The following HIVEP3 variants were observed in gnomAD, a reference collection of about 807,000 sequenced individuals.
HIVEP3 encodes the protein HIVEP zinc finger 3.
A neutral mutation model predicts 152.8 loss-of-function variants in HIVEP3; 49 were observed. That is an observed-to-expected ratio of 0.32 (90% CI 0.26 to 0.41). The LOEUF (loss-of-function observed/expected upper bound fraction) is 0.41, where lower values mean the gene tolerates loss of function less well. Among genes scored for constraint, HIVEP3 ranks in the 10% least tolerant of loss-of-function variants. The probability of loss-of-function intolerance (pLI) is 1.00; values close to 1 mark genes in which losing one functional copy is unlikely to be tolerated. For missense variants in HIVEP3, 2,790 were observed against 3,103.3 expected (o/e 0.90, Z 2.40); for synonymous variants, 1,269 against 1,289.0 (o/e 0.98, Z 0.33).
intron 3 of HIVEP3, among the ~76,000 whole-genome samples, chr1:41,595,608 T>C (rs1644654427): frequency 6.6e-6 from 1 of 152,160 alleles, no homozygotes. Context: ...TAATATCGAA[T>C]GTCAACTTGA....
At chr1:41,792,453 C>T (rs1425851962) in intron 1 of HIVEP3, among the ~76,000 whole-genome samples, 1 of 152,216 alleles carries the variant, frequency 6.6e-6, no homozygotes, top group Non-Finnish European at 1.5e-5. Context: ...CGTGGTGGTG[C>T]TGCCTGTCAC....
At chr1:41,874,304 C>T (rs1226576676) in intron 1 of HIVEP3, among the ~76,000 whole-genome samples, 4 of 152,268 alleles carry the variant, frequency 2.6e-5, no homozygotes, top group South Asian at 4.1e-4. Flanking sequence ...TGTTCATGTT[C>T]GTCTGGAAAG....
In HIVEP3 at chr1:42,025,696, C is replaced by T. The variant is rs897785011; in HGVS notation, n.119+10111G>A. Among the ~76,000 whole-genome samples the T allele has an allele frequency of 8.5e-5, 13 of 152,188 alleles. 1 individual carries two copies. The highest frequency in any genetic ancestry group is 1.5e-4 in the Non-Finnish European group (10 of 68,032). On this transcript the variant is annotated intron_variant and non_coding_transcript_variant, in intron 1 of 3. Transcript: ENST00000489103. ...GGTTAGGAACCTGGAACTGGTTCTACCTTAAACTTGGAACTACCTTAAACG... is the reference window on the plus strand; with the variant it reads ...GGTTAGGAACCTGGAACTGGTTCTATCTTAAACTTGGAACTACCTTAAACG...
At chr1:41,652,162 G>C (rs1357377306) in intron 2 of HIVEP3, among the ~76,000 whole-genome samples, 1 of 152,182 alleles carries the variant, frequency 6.6e-6, no homozygotes, top group Non-Finnish European at 1.5e-5. Context: ...GGTCAGATAA[G>C]AACACGCCAG....
chr1:41,638,664 C>A (rs1479065059), intron 2 of HIVEP3, among the ~76,000 whole-genome samples: 2 of 152,194 alleles, frequency 1.3e-5, no homozygotes, highest in Non-Finnish European at 2.9e-5. Flanking sequence ...CAAGGTGGCA[C>A]CCACCCAGGG....
At chr1:41,631,285 A>C (rs934318675) in intron 2 of HIVEP3, among the ~76,000 whole-genome samples, 1 of 152,136 alleles carries the variant, frequency 6.6e-6, no homozygotes, top group Non-Finnish European at 1.5e-5. Context: ...AACTTGAGAA[A>C]GTTGCATTGC....
In HIVEP3 at chr1:41,966,988, TA is replaced by T. The variant is rs1287502349; in HGVS notation, n.120-48465del. ...CATAATGGAAAAGGGTTCAATTCTA[TA>T]AAAAGAGATAGCTATCCTAAATATA... On this transcript the variant is annotated intron_variant and non_coding_transcript_variant, in intron 1 of 3. Coordinates refer to the HIVEP3 transcript ENST00000489103. Among the ~76,000 whole-genome samples, 3 of 152,050 alleles carry T rather than the reference TA, an allele frequency of 2.0e-5. No homozygotes were observed. The East Asian group carries it at 5.8e-4, about 29-fold the overall frequency.
intron 2 of HIVEP3, among the ~76,000 whole-genome samples, chr1:41,631,701 T>G (rs1645197437): frequency 2.0e-5 from 3 of 152,086 alleles, no homozygotes; most frequent in African/African-American, 7.3e-5. Flanking sequence ...GCTTGCTCTG[T>G]GGCTCTATCA....
intron 5 of HIVEP3, among the ~76,000 whole-genome samples, chr1:41,528,890 T>C: frequency 1.2e-5 from 1 of 86,732 alleles, no homozygotes; most frequent in African/African-American, 4.7e-5. Context: ...CCCTCACACC[T>C]TCACTCCACA....
chr1:41,603,791 T>C (rs1433236641), intron 3 of HIVEP3, among the ~76,000 whole-genome samples: 1 of 152,270 alleles, frequency 6.6e-6, no homozygotes, highest in Non-Finnish European at 1.5e-5. Context: ...AAAGAATGTG[T>C]ATTCTGCTGC....
rs961447297 is a variant in HIVEP3, at chr1:41,715,950, G to A, written c.-800-14955C>T. 3.9e-5 allele frequency among the ~76,000 whole-genome samples: 6 copies of A among 152,364 alleles called. No homozygotes were observed. In the East Asian group the frequency reaches 1.2e-3, roughly 29 times the overall value. ...ACACAGTGAGAGGTGCCTTCACATG[G>A]AAGTGGACGGTGGGGCCCCGAGCAA... On this transcript the variant is annotated intron_variant, in intron 1 of 8. Transcript: ENST00000372583.
intron 1 of HIVEP3, among the ~76,000 whole-genome samples, chr1:41,747,111 G>A (rs1369716030): frequency 6.6e-6 from 1 of 152,218 alleles, no homozygotes; most frequent in Non-Finnish European, 1.5e-5. Flanking sequence ...AGGAATTCAG[G>A]CCTGTCAGAT....
chr1:41,897,953 G>GAC lies in HIVEP3; in HGVS notation c.-801+20459_-801+20460insGT, dbSNP rs1228744796. On this transcript the variant is annotated intron_variant, in intron 1 of 8. Transcript: ENST00000372583. ...TGAGAGAGAGGGAGAGAGAGAGAGA[G>GAC]AGAGAGAGAGAGAGAGAGAGAGAGA... 9.6e-4 allele frequency among the ~76,000 whole-genome samples: 139 copies of GAC among 144,910 alleles called. 2 individuals are homozygous for GAC. The highest frequency in any genetic ancestry group is 2.9e-3 in the African/African-American group (103 of 35,970).
intron 2 of HIVEP3, among the ~76,000 whole-genome samples, chr1:41,699,433 T>C (rs1171764022): frequency 2.0e-5 from 3 of 152,206 alleles, no homozygotes; most frequent in African/African-American, 7.2e-5. Flanking sequence ...TTGCCAGCTA[T>C]TACCCACCAC....
chr1:41,905,878 AG>A (rs1460725122), intron 1 of HIVEP3, among the ~76,000 whole-genome samples: 7 of 152,348 alleles, frequency 4.6e-5, no homozygotes, highest in African/African-American at 1.4e-4. Flanking sequence ...AAGGATAGAC[AG>A]AATGTGCACC....
intron 3 of HIVEP3, among the ~76,000 whole-genome samples, chr1:41,602,622 C>T (rs1644764052): frequency 6.6e-6 from 1 of 151,982 alleles, no homozygotes; most frequent in African/African-American, 2.4e-5. Flanking sequence ...TGAGTCTCCT[C>T]TCTTTTTTTC....
At chr1:41,526,573 A>ATGCT (rs1642930883) in intron 5 of HIVEP3, among the ~76,000 whole-genome samples, 1 of 45,304 alleles carries the variant, frequency 2.2e-5, no homozygotes, top group African/African-American at 7.3e-5. Flanking sequence ...ACACCCTCAC[A>ATGCT]CATACACCCC....
intron 1 of HIVEP3, among the ~76,000 whole-genome samples, chr1:41,941,103 G>C (rs909272435): frequency 6.6e-6 from 1 of 152,164 alleles, no homozygotes; most frequent in Non-Finnish European, 1.5e-5. Context: ...CCATGGTGTG[G>C]TGAGTTAGAG....
intron 5 of HIVEP3, among the ~76,000 whole-genome samples, chr1:41,573,814 C>T (rs2149098628): frequency 6.6e-6 from 1 of 152,226 alleles, no homozygotes; most frequent in Non-Finnish European, 1.5e-5. Flanking sequence ...GCAGAGATGA[C>T]AGAACTCAAC....
Sources: gnomAD v4.1 joint callset for allele counts (sites outside exome capture counted in the v4.1 genomes callset) on GRCh38, gnomAD v4.1.1 for gene constraint, MANE v1.5 for transcripts, NCBI Gene and HGNC (gene_info 2026-07-23, HGNC 2026-07-21) for gene names.